CDH12: variants seen among roughly 807,000 people sequenced by gnomAD.
CDH12 encodes cadherin 12.
A neutral mutation model predicts 74.1 loss-of-function variants in CDH12; 41 were observed. The ratio of observed to expected loss-of-function variants is 0.55; its 90% CI spans 0.43 to 0.72. The LOEUF (loss-of-function observed/expected upper bound fraction) is 0.72. Ranked by LOEUF, CDH12 falls within the 30% of genes least tolerant of loss-of-function variation. CDH12 has a pLI of 0.00. For missense variants in CDH12, 945 were observed against 977.2 expected (o/e 0.97, Z 0.44); for synonymous variants, 399 against 355.0 (o/e 1.12, Z -1.39).
chr5:22,048,628 A>G (rs115676175), intron 5 of CDH12, among the ~76,000 whole-genome samples: 527 of 152,294 alleles, frequency 3.5e-3, no homozygotes, highest in African/African-American at 0.012. Flanking sequence ...ATGGAAAAAT[A>G]AAAATATCAA....
intron 3 of CDH12, among the ~76,000 whole-genome samples, chr5:22,352,107 G>A (rs1740379031): frequency 6.6e-6 from 1 of 150,490 alleles, no homozygotes; most frequent in Admixed American, 6.6e-5. Flanking sequence ...TAAGTGTTTG[G>A]AATCATTTGC....
At chr5:22,524,108 G>A (rs1737169245) in intron 1 of CDH12, among the ~76,000 whole-genome samples, 1 of 151,368 alleles carries the variant, frequency 6.6e-6, no homozygotes, top group African/African-American at 2.4e-5. Context: ...CCAGCCTCCT[G>A]AGTAGGTGGG....
chr5:22,727,230 A>G (rs554200625), intron 1 of CDH12, among the ~76,000 whole-genome samples: 2 of 151,962 alleles, frequency 1.3e-5, no homozygotes, highest in East Asian at 3.9e-4. Flanking sequence ...TTCTACCAGC[A>G]CTAAGTATAA....
intron 2 of CDH12, among the ~76,000 whole-genome samples, chr5:22,434,545 AT>A (rs1180077026): frequency 6.6e-6 from 1 of 151,904 alleles, no homozygotes; most frequent in African/African-American, 2.4e-5. Flanking sequence ...TCATACCTCT[AT>A]TTTTTCCCAG....
chr5:22,696,085 T>A (rs529415304), intron 1 of CDH12, among the ~76,000 whole-genome samples: 1 of 152,182 alleles, frequency 6.6e-6, no homozygotes, highest in East Asian at 1.9e-4. Flanking sequence ...ACATTATTTT[T>A]CAGCTGGGCG....
chr5:22,166,737 A>G (rs1380568962), intron 4 of CDH12, among the ~76,000 whole-genome samples: 1 of 152,218 alleles, frequency 6.6e-6, no homozygotes, highest in African/African-American at 2.4e-5. Context: ...TTTCATAAAA[A>G]TGCTGTTTCT....
intron 9 of CDH12, among the ~76,000 whole-genome samples, chr5:21,811,669 G>A (rs917342160): frequency 1.4e-5 from 2 of 142,128 alleles, no homozygotes; most frequent in African/African-American, 2.6e-5. Flanking sequence ...GATTTTATTA[G>A]TGTTTTATTG....
At chr5:22,424,302 T>G (rs1743799456) in intron 2 of CDH12, among the ~76,000 whole-genome samples, 1 of 152,130 alleles carries the variant, frequency 6.6e-6, no homozygotes, top group Non-Finnish European at 1.5e-5. Flanking sequence ...AATCAGAGGA[T>G]GTAAAAGCAC....
chr5:22,247,929 T>C (rs1318295384), intron 3 of CDH12, among the ~76,000 whole-genome samples: 1 of 152,070 alleles, frequency 6.6e-6, no homozygotes, highest in African/African-American at 2.4e-5. Context: ...CATAAAAAAT[T>C]CAATATATTT....
intron 2 of CDH12, among the ~76,000 whole-genome samples, chr5:22,415,804 T>C (rs747709769): frequency 6.6e-6 from 1 of 152,088 alleles, no homozygotes; most frequent in African/African-American, 2.4e-5. Flanking sequence ...ATTAAAAATA[T>C]CCTAAAACAT....
chr5:22,253,613 T>G (rs1753206658), intron 3 of CDH12, among the ~76,000 whole-genome samples: 1 of 152,024 alleles, frequency 6.6e-6, no homozygotes, highest in African/African-American at 2.4e-5. Context: ...TCCGAAGTAT[T>G]GATTCTAACT....
At chr5:22,059,176 GA>G (rs1434041841) in intron 5 of CDH12, among the ~76,000 whole-genome samples, 2 of 152,066 alleles carry the variant, frequency 1.3e-5, no homozygotes, top group Non-Finnish European at 2.9e-5. Flanking sequence ...TAATCAAAGG[GA>G]AAAATTACTG....
At chr5:22,381,698 C>T (rs1313513807) in intron 3 of CDH12, among the ~76,000 whole-genome samples, 3 of 151,794 alleles carry the variant, frequency 2.0e-5, no homozygotes, top group Admixed American at 6.6e-5. Flanking sequence ...GTTTTGGATG[C>T]ATAATGAATT....
At chr5:22,786,289 G>A (rs1463481914) in intron 1 of CDH12, among the ~76,000 whole-genome samples, 1 of 152,116 alleles carries the variant, frequency 6.6e-6, no homozygotes, top group Non-Finnish European at 1.5e-5. Context: ...ACATAGAGGG[G>A]AATAACATAT....
At chr5:22,478,372 C>T (rs1396931390) in intron 2 of CDH12, among the ~76,000 whole-genome samples, 2 of 143,258 alleles carry the variant, frequency 1.4e-5, no homozygotes, top group Non-Finnish European at 3.0e-5. Context: ...GAGCAGAGAC[C>T]GCGCCACTGC....
intron 6 of CDH12, among the ~76,000 whole-genome samples, chr5:21,898,775 A>C (rs1453252113): frequency 6.6e-6 from 1 of 152,066 alleles, no homozygotes; most frequent in Non-Finnish European, 1.5e-5. Flanking sequence ...AAAAGTTATG[A>C]AAAAAGTTTG....
At chr5:22,795,711 T>C (rs1161472939) in intron 1 of CDH12, among the ~76,000 whole-genome samples, 1 of 151,752 alleles carries the variant, frequency 6.6e-6, no homozygotes, top group Non-Finnish European at 1.5e-5. Flanking sequence ...GTATGGTAAC[T>C]AGCAAGAGCA....
chr5:22,376,987 A>C (rs1055164582), intron 3 of CDH12, among the ~76,000 whole-genome samples: 1 of 152,186 alleles, frequency 6.6e-6, no homozygotes, highest in African/African-American at 2.4e-5. Flanking sequence ...ACAGGGTATT[A>C]GTTTATAAAT....
At chr5:22,807,007 T>G (rs1478021384) in intron 1 of CDH12, among the ~76,000 whole-genome samples, 1 of 152,224 alleles carries the variant, frequency 6.6e-6, no homozygotes, top group Non-Finnish European at 1.5e-5. Flanking sequence ...TTGGCTTTTG[T>G]TGTCATTACT....
Sources: gnomAD v4.1 joint callset for allele counts (sites outside exome capture counted in the v4.1 genomes callset) on GRCh38, gnomAD v4.1.1 for gene constraint, MANE v1.5 for transcripts, NCBI Gene and HGNC (gene_info 2026-07-23, HGNC 2026-07-21) for gene names.